The following PXT1 variants were observed in gnomAD, a reference collection of about 807,000 sequenced individuals.
The protein encoded by PXT1 is peroxisomal testis enriched protein 1.
A neutral mutation model predicts 11.0 loss-of-function variants in PXT1; 11 were observed. That is an observed-to-expected ratio of 1.00 (90% confidence interval 0.63 to 1.66). The LOEUF is 1.66. Ranked by LOEUF, PXT1 falls within the 40% of genes most tolerant of loss-of-function variation. The pLI is 0.00. For missense variants in PXT1, 141 were observed against 155.5 expected (o/e 0.91, Z 0.49); for synonymous variants, 43 against 51.4 (o/e 0.84, Z 0.70).
At chr6:36,423,484 A>G (rs764262970) in intron 3 of PXT1, among the ~76,000 whole-genome samples, 23 of 152,286 alleles carry the variant, frequency 1.5e-4, no homozygotes, top group African/African-American at 4.8e-4. Context: ...GCACATGGCG[A>G]CGCGGCCGGC....
chr6:36,408,988 C>T (rs368384085), intron 3 of PXT1, among the ~76,000 whole-genome samples: 2 of 152,246 alleles, frequency 1.3e-5, no homozygotes, highest in East Asian at 1.9e-4. Context: ...ACCTGTCCCT[C>T]GAGTTGTATT....
At chr6:36,401,309 A>G (rs1472762764) in intron 3 of PXT1, among the ~76,000 whole-genome samples, 2 of 152,246 alleles carry the variant, frequency 1.3e-5, no homozygotes, top group Admixed American at 1.3e-4. Flanking sequence ...ACCTTGATCT[A>G]TACTTAGATT....
chr6:36,423,670 C>A (rs773987374), intron 3 of PXT1, among the ~76,000 whole-genome samples: 39 of 152,330 alleles, frequency 2.6e-4, no homozygotes, highest in Non-Finnish European at 5.3e-4. Context: ...CCTCATTCCG[C>A]ACATCCCTCA....
At chr6:36,399,088 T>C (rs558862611) in intron 4 of PXT1, among the ~76,000 whole-genome samples, 11 of 151,960 alleles carry the variant, frequency 7.2e-5, no homozygotes, top group Non-Finnish European at 1.5e-4. Flanking sequence ...TTCTCTATGT[T>C]TATTTTCTCT....
rs573252475 is a variant in PXT1, at chr6:36,423,195, G to A, written c.169+2719C>T. On this transcript the variant is annotated intron_variant, in intron 3 of 4. Coordinates refer to ENST00000454782, the MANE Select transcript of PXT1 (RefSeq NM_152990.4). ...TCAGTCTGTCTGTGTCACAGCCCCG[G>A]ACAGAAGCCACTGAGGGGAGAGGTG... 9.8e-5 allele frequency among the ~76,000 whole-genome samples: 15 copies of A among 152,310 alleles called. No homozygotes were observed. The East Asian group carries it at 2.5e-3, about 25-fold the overall frequency.
intron 2 of PXT1, among the ~76,000 whole-genome samples, chr6:36,430,973 C>A (rs1235821786): frequency 6.6e-6 from 1 of 151,988 alleles, no homozygotes; most frequent in Non-Finnish European, 1.5e-5. Flanking sequence ...CACCACCACG[C>A]CCAGCTAATT....
At chr6:36,423,807 G>A (rs1202319872) in intron 3 of PXT1, among the ~76,000 whole-genome samples, 1 of 152,120 alleles carries the variant, frequency 6.6e-6, no homozygotes, top group African/African-American at 2.4e-5. Context: ...AAGATCCCTG[G>A]TTTCTAATTG....
At chr6:36,411,386 G>A (rs1774373950) in intron 3 of PXT1, among the ~76,000 whole-genome samples, 1 of 152,176 alleles carries the variant, frequency 6.6e-6, no homozygotes, top group Non-Finnish European at 1.5e-5. Context: ...AGGAGGTGGA[G>A]GTTGCAATGA....
chr6:36,397,849 A>T (rs190725239), intron 4 of PXT1, among the ~76,000 whole-genome samples: 2 of 152,190 alleles, frequency 1.3e-5, no homozygotes, highest in African/African-American at 4.8e-5. Flanking sequence ...AAAATAAAAT[A>T]AAATAAAAAT....
intron 2 of PXT1, among the ~76,000 whole-genome samples, chr6:36,433,246 C>A (rs1774717595): frequency 6.6e-6 from 1 of 151,950 alleles, no homozygotes; most frequent in African/African-American, 2.4e-5. Context: ...AATATGATAT[C>A]CATGAAACAA....
At chr6:36,423,375 C>T (rs1008896535) in intron 3 of PXT1, among the ~76,000 whole-genome samples, 3 of 152,276 alleles carry the variant, frequency 2.0e-5, no homozygotes, top group African/African-American at 7.2e-5. Context: ...GTGAGAACCC[C>T]GCTCCCGCCC....
chr6:36,434,267 G>A (rs1482694063), intron 2 of PXT1, among the ~76,000 whole-genome samples: 4 of 152,088 alleles, frequency 2.6e-5, no homozygotes, highest in Non-Finnish European at 5.9e-5. Context: ...CCAGCATGAC[G>A]AATGGAAAAG....
chr6:36,409,884 AG>A (rs1397671188), intron 3 of PXT1, among the ~76,000 whole-genome samples: 6 of 141,850 alleles, frequency 4.2e-5, no homozygotes, highest in East Asian at 2.1e-4. Flanking sequence ...AAAAGAAGGA[AG>A]GAAGGAAGGA....
At position 36,391,579 on chromosome 6, in the gene PXT1, G is replaced by T; in HGVS notation, c.*191C>A. The T allele has an allele frequency of 1.7e-6, 1 of 604,686 alleles. No individual in the cohort carries two copies. Among genetic ancestry groups the T allele is most frequent in the Non-Finnish European group, 2.9e-6 (1 of 339,190 alleles). The allele number at this position is 604,686 out of a possible 1,614,324, so 37.5% of individuals were successfully genotyped here. Reference sequence around the variant, plus strand: ...GTGATGTGATCGCAGACATCTCATAGCTAGCTCCTCCGAAGAGACAAATGG... The same window carrying T: ...GTGATGTGATCGCAGACATCTCATATCTAGCTCCTCCGAAGAGACAAATGG... On this transcript the variant is annotated 3_prime_UTR_variant, in exon 5 of 5. Coordinates refer to ENST00000454782, the MANE Select transcript of PXT1 (RefSeq NM_152990.4).
At chr6:36,433,518 C>T (rs116451084) in intron 2 of PXT1, among the ~76,000 whole-genome samples, 2,073 of 151,990 alleles carry the variant, frequency 0.014, 45 homozygotes, top group African/African-American at 0.045. Context: ...AAGGGCATTG[C>T]TCTACATGAA....
intron 2 of PXT1, among the ~76,000 whole-genome samples, chr6:36,437,864 G>C (rs1236232420): frequency 1.4e-5 from 2 of 140,178 alleles, no homozygotes; most frequent in Non-Finnish European, 3.0e-5. Flanking sequence ...CTGTCGTCCA[G>C]GCTGGAGTGC....
At chr6:36,422,369 C>A (rs1041846206) in intron 3 of PXT1, among the ~76,000 whole-genome samples, 1 of 152,206 alleles carries the variant, frequency 6.6e-6, no homozygotes, top group Admixed American at 6.5e-5. Context: ...TCCCCCTTAA[C>A]CCCTTCAGGT....
intron 2 of PXT1, among the ~76,000 whole-genome samples, chr6:36,426,920 A>C (rs1369506973): frequency 1.3e-5 from 2 of 152,180 alleles, no homozygotes; most frequent in Non-Finnish European, 1.5e-5. Context: ...AGACACTAAT[A>C]TGAAGATTAC....
chr6:36,439,163 A>C (rs1774818175), intron 1 of PXT1, among the ~76,000 whole-genome samples: 2 of 151,528 alleles, frequency 1.3e-5, no homozygotes, highest in South Asian at 4.2e-4. Context: ...CGCCCAGCTA[A>C]TTTTTTGTAT....
Sources: allele counts gnomAD v4.1 joint callset (sites outside exome capture counted in the v4.1 genomes callset), GRCh38; gene constraint gnomAD v4.1.1; transcripts MANE v1.5; gene names NCBI Gene and HGNC (gene_info 2026-07-23, HGNC 2026-07-21).